The following FXR2 variants were observed in gnomAD, a reference collection of about 807,000 sequenced individuals.
FXR2 encodes the protein RNA-binding protein FXR2.
FXR2 carries 9 observed loss-of-function variants against 87.3 expected under a neutral mutation model. The observed-to-expected ratio is 0.10, with a 90% CI of 0.06 to 0.18. The LOEUF is 0.18. Among genes scored for constraint, FXR2 ranks in the 10% least tolerant of loss-of-function variants. The pLI, the probability that FXR2 is intolerant of heterozygous loss-of-function variation, is 1.00. For synonymous variants in FXR2, 331 were observed against 328.3 expected, an observed-to-expected ratio of 1.01 and a Z score of -0.09; for missense variants, 661 against 893.6, an observed-to-expected ratio of 0.74 and a Z score of 3.32.
chr17:7,608,814 C>T (rs2071825839), intron 1 of FXR2, among the ~76,000 whole-genome samples: 1 of 152,172 alleles, frequency 6.6e-6, no homozygotes, highest in Non-Finnish European at 1.5e-5. Flanking sequence ...GACTCAGTTA[C>T]ATACATGTCA....
intron 7 of FXR2, among the ~76,000 whole-genome samples, chr17:7,599,256 A>G (rs954551927): frequency 2.0e-5 from 3 of 151,942 alleles, no homozygotes; most frequent in African/African-American, 7.3e-5. Context: ...CTGAGATCGC[A>G]CCACTACATA....
intron 6 of FXR2, 112 bp from the exon 7 acceptor site, chr17:7,601,637 G>T (rs1317763852): frequency 2.8e-6 from 2 of 702,806 alleles, no homozygotes; most frequent in African/African-American, 3.5e-5. Context: ...GTTAAGAAAT[G>T]AAGCTAGGAG....
intron 5 of FXR2, among the ~76,000 whole-genome samples, chr17:7,603,203 T>C (rs2071773443): frequency 6.7e-6 from 1 of 148,612 alleles, no homozygotes. Flanking sequence ...AAAAAAAAAT[T>C]CAGAGAAGCA....
intron 1 of FXR2, chr17:7,614,219 A>G: frequency 1.5e-6 from 1 of 684,592 alleles, no homozygotes; most frequent in Non-Finnish European, 2.7e-6. Flanking sequence ...CCTGAAGTTC[A>G]TTCTCCCGGA....
chr17:7,613,594 T>C (rs2150950236), intron 1 of FXR2, among the ~76,000 whole-genome samples: 1 of 152,058 alleles, frequency 6.6e-6, no homozygotes, highest in East Asian at 1.9e-4. Flanking sequence ...TGGCCAAGAG[T>C]CTTCAAGAAG....
intron 1 of FXR2, among the ~76,000 whole-genome samples, chr17:7,610,722 C>T (rs757512277): frequency 2.6e-5 from 4 of 152,110 alleles, no homozygotes; most frequent in Admixed American, 6.6e-5. Flanking sequence ...GCTCAGTCTA[C>T]GCTCATTGTG....
At chr17:7,609,499 CT>C (rs2071831700) in intron 1 of FXR2, among the ~76,000 whole-genome samples, 1 of 152,148 alleles carries the variant, frequency 6.6e-6, no homozygotes, top group Non-Finnish European at 1.5e-5. Flanking sequence ...TTTACCCATG[CT>C]TTTTCTTTCT....
rs916934453 is a variant in FXR2, at chr17:7,593,329, A to G, written c.1330+74T>C. 47 of 1,296,946 alleles carry G rather than the reference A, an allele frequency of 3.6e-5. No homozygotes were observed. In the African/African-American group the frequency reaches 5.7e-4, roughly 16 times the overall value. The allele number at this position is 1,296,946 out of a possible 1,614,324, so 80.3% of individuals were successfully genotyped here. ...ATCATCTCCATTCCAGATTTCCCCAAACTTCCATCCAGACCTCTGCCTCTA... is the reference window on the plus strand; with the variant it reads ...ATCATCTCCATTCCAGATTTCCCCAGACTTCCATCCAGACCTCTGCCTCTA... On this transcript the variant is annotated intron_variant, in intron 12 of 16. Transcript: ENST00000250113. The surrounding 1 kb of genome is among the most constrained non-coding windows in gnomAD (Gnocchi z 6.1).
intron 7 of FXR2, among the ~76,000 whole-genome samples, chr17:7,599,606 G>C (rs927976573): frequency 6.6e-6 from 1 of 152,152 alleles, no homozygotes; most frequent in Non-Finnish European, 1.5e-5. Context: ...GCCAGGCGTG[G>C]TGGCTGACAC....
intron 7 of FXR2, among the ~76,000 whole-genome samples, chr17:7,599,981 T>C (rs2071740111): frequency 1.3e-5 from 2 of 151,442 alleles, no homozygotes; most frequent in East Asian, 2.0e-4. Context: ...CACTGCAACC[T>C]CCGCCTCCCA....
At chr17:7,601,204 TA>T (rs1211036834) in intron 7 of FXR2, among the ~76,000 whole-genome samples, 2 of 148,060 alleles carry the variant, frequency 1.4e-5, no homozygotes, top group Non-Finnish European at 3.0e-5. Context: ...AAAAATTGGC[TA>T]AAAGAAATTT....
chr17:7,606,070 C>T (rs1202705220), intron 2 of FXR2, 27 bp downstream of exon 2: 1 of 1,441,088 alleles, frequency 6.9e-7, no homozygotes, highest in South Asian at 1.2e-5. Flanking sequence ...ACCTAGTATG[C>T]TGGATTCTCT....
chr17:7,612,811 A>C (rs954745738), intron 1 of FXR2, among the ~76,000 whole-genome samples: 7 of 152,084 alleles, frequency 4.6e-5, no homozygotes, highest in South Asian at 2.1e-4. Flanking sequence ...CCTGGCTAAC[A>C]CAGTGAAACC....
In FXR2 at chr17:7,592,059, A is replaced by G; in HGVS notation, c.1927-134T>C. ...GGTTGGTTCCCTGATCTCATGATCC[A>G]GTCTCTCTTACTTGGGATCCAGAAA... On this transcript the variant is annotated intron_variant, in intron 16 of 16. Transcript: ENST00000250113. This position sits in a 1 kb window ranked among gnomAD's most constrained non-coding sequence, Gnocchi z 4.8. The G allele has an allele frequency of 1.5e-6, 2 of 1,334,386 alleles. No homozygotes were observed. The highest frequency in any genetic ancestry group is 1.5e-5 in the South Asian group (1 of 66,054). 82.7% of individuals were successfully genotyped at this position (1,334,386 alleles called of 1,614,324 possible).
chr17:7,600,508 C>G (rs550888201), intron 7 of FXR2, among the ~76,000 whole-genome samples: 29 of 152,112 alleles, frequency 1.9e-4, no homozygotes, highest in Non-Finnish European at 3.4e-4. Flanking sequence ...AATAAATATT[C>G]TAGTCTAGGC....
chr17:7,610,017 CAT>C (rs1360448514), intron 1 of FXR2, among the ~76,000 whole-genome samples: 2 of 115,898 alleles, frequency 1.7e-5, no homozygotes, highest in Non-Finnish European at 4.0e-5. Flanking sequence ...TATATATATA[CAT>C]GTATATGTAT....
At chr17:7,598,102 C>T (rs898052718) in intron 7 of FXR2, among the ~76,000 whole-genome samples, 5 of 152,006 alleles carry the variant, frequency 3.3e-5, no homozygotes, top group African/African-American at 1.2e-4. Flanking sequence ...TGCTCTGTTC[C>T]TGCTTCCATT....
Position 7,593,562 on chromosome 17 carries a change from C to T in FXR2, c.1171G>A (p.Gly391Ser), listed in dbSNP as rs1289643751. 2 of 1,597,550 alleles carry T rather than the reference C, an allele frequency of 1.3e-6. No homozygotes were observed. Among genetic ancestry groups the T allele is most frequent in the Non-Finnish European group, 1.7e-6 (2 of 1,173,518 alleles). The change falls in exon 12 of 17, where the codon GGC becomes AGC. Residue 391 changes from glycine to serine, a missense_variant. Transcript: ENST00000250113. The surrounding 1 kb of genome is among the most constrained non-coding windows in gnomAD (Gnocchi z 6.1). ...IDEQLRQIGL[G>S]FRPPGSGRGS... ...CGCCCACTCCCAGGAGGGCGAAAGCCCAGCCCAATCTGCCGAAGCTGCTCA... is the reference window on the plus strand; with the variant it reads ...CGCCCACTCCCAGGAGGGCGAAAGCTCAGCCCAATCTGCCGAAGCTGCTCA...
At chr17:7,604,943 G>A (rs1435501472) in intron 3 of FXR2, among the ~76,000 whole-genome samples, 1 of 151,356 alleles carries the variant, frequency 6.6e-6, no homozygotes, top group African/African-American at 2.4e-5. Flanking sequence ...GGCTGGTCTT[G>A]AACTCCTGAC....
Sources: gnomAD v4.1 joint callset for allele counts (sites outside exome capture counted in the v4.1 genomes callset) on GRCh38, gnomAD v4.1.1 for gene constraint, Gnocchi (gnomAD v3.1) non-coding constraint, MANE v1.5 for transcripts, NCBI Gene and HGNC (gene_info 2026-07-23, HGNC 2026-07-21) for gene names.